LTBP1: variants seen among roughly 807,000 people sequenced by gnomAD.
LTBP1 encodes latent-transforming growth factor beta-binding protein 1.
In LTBP1, 129 loss-of-function variants were observed where a neutral mutation model predicts 207.6. The observed-to-expected ratio is 0.62, with a 90% confidence interval of 0.54 to 0.72. The LOEUF (loss-of-function observed/expected upper bound fraction) is 0.72. Among genes scored for constraint, LTBP1 ranks in the 30% least tolerant of loss-of-function variants. LTBP1 has a pLI of 0.00. For missense variants in LTBP1, 2,281 were observed against 2,217.2 expected (o/e 1.03, Z -0.58); for synonymous variants, 963 against 833.7 (o/e 1.16, Z -2.67).
intron 2 of LTBP1, among the ~76,000 whole-genome samples, chr2:33,015,978 A>C (rs1419219430): frequency 1.3e-5 from 2 of 152,168 alleles, no homozygotes; most frequent in Non-Finnish European, 2.9e-5. Flanking sequence ...CCCATAGTCC[A>C]GTCACCTCCC....
chr2:33,052,988 C>T (rs576287128), intron 3 of LTBP1, among the ~76,000 whole-genome samples: 2 of 151,846 alleles, frequency 1.3e-5, no homozygotes, highest in South Asian at 4.2e-4. Flanking sequence ...GATTCTCTTG[C>T]GTCAGCCTCC....
At chr2:32,959,617 A>ATTTTTTT (rs1373102884) in intron 2 of LTBP1, among the ~76,000 whole-genome samples, 15 of 38,546 alleles carry the variant, frequency 3.9e-4, no homozygotes, top group African/African-American at 8.1e-4. Context: ...ATATATATAT[A>ATTTTTTT]TATATTTTTT....
intron 2 of LTBP1, among the ~76,000 whole-genome samples, chr2:33,007,795 C>G (rs1291545331): frequency 6.6e-6 from 1 of 152,190 alleles, no homozygotes; most frequent in South Asian, 2.1e-4. Flanking sequence ...TGGTGCTACT[C>G]TGAACCAGGA....
At chr2:33,287,813 G>T (rs1161837069) in intron 19 of LTBP1, among the ~76,000 whole-genome samples, 1 of 152,238 alleles carries the variant, frequency 6.6e-6, no homozygotes, top group East Asian at 1.9e-4. Context: ...AGAATTGACA[G>T]AGGGGGTGTG....
intron 5 of LTBP1, among the ~76,000 whole-genome samples, chr2:33,159,355 C>G (rs928892333): frequency 1.3e-5 from 2 of 152,220 alleles, no homozygotes; most frequent in African/African-American, 4.8e-5. Context: ...GCAGCCACTT[C>G]ACTGAGCTCT....
chr2:33,024,530 A>G (rs2075323795), intron 3 of LTBP1, among the ~76,000 whole-genome samples: 1 of 152,222 alleles, frequency 6.6e-6, no homozygotes, highest in South Asian at 2.1e-4. Flanking sequence ...TGGGGATTAG[A>G]TGAATTGGTT....
chr2:32,973,453 G>T (rs762134298), intron 2 of LTBP1, among the ~76,000 whole-genome samples: 4 of 151,526 alleles, frequency 2.6e-5, no homozygotes, highest in South Asian at 2.1e-4. Context: ...TTTAATTTTT[G>T]TGGGTACACA....
intron 13 of LTBP1, among the ~76,000 whole-genome samples, chr2:33,260,623 C>T (rs569237168): frequency 3.9e-5 from 6 of 152,232 alleles, no homozygotes; most frequent in African/African-American, 1.4e-4. Context: ...GGAGTGATAG[C>T]ACTCGTCCAG....
chr2:33,186,858 A>G lies in LTBP1; in HGVS notation c.1204A>G (p.Ile402Val). Residue 402 changes from isoleucine (I) to valine (V), a missense_variant and splice_region_variant, in exon 6 of 34, where the codon ATT (isoleucine) becomes GTT (valine). Physicochemically the swap from Ile to Val is conservative, Grantham distance 29. This residue lies in a region of LTBP1 where 55 missense variants were observed against 91.5 expected (regional missense o/e 0.60). Transcript: ENST00000404816. ...TLTATNFRVV[I>V]CHLPCMNGGQ... ...ATGTTTTCTCTTTTCCCTTTTAGTAATTTGCCATCTTCCATGTATGAATGG... is the reference window on the plus strand; with the variant it reads ...ATGTTTTCTCTTTTCCCTTTTAGTAGTTTGCCATCTTCCATGTATGAATGG... The G allele has an allele frequency of 1.2e-6, 2 of 1,612,918 alleles. No homozygotes were observed. The highest frequency in any genetic ancestry group is 1.7e-6 in the Non-Finnish European group (2 of 1,178,962).
At chr2:33,257,011 G>A (rs1256364669) in intron 11 of LTBP1, among the ~76,000 whole-genome samples, 3 of 150,844 alleles carry the variant, frequency 2.0e-5, no homozygotes, top group Non-Finnish European at 3.0e-5. Flanking sequence ...CTAAGTATAT[G>A]CTATATATAA....
At chr2:33,385,343 C>T (rs1393239075) in intron 31 of LTBP1, among the ~76,000 whole-genome samples, 1 of 152,176 alleles carries the variant, frequency 6.6e-6, no homozygotes, top group Non-Finnish European at 1.5e-5. Context: ...CTGTTGATCA[C>T]TGCTTTTACG....
At chr2:33,294,307 C>CT (rs2093831782) in intron 20 of LTBP1, among the ~76,000 whole-genome samples, 1 of 151,996 alleles carries the variant, frequency 6.6e-6, no homozygotes, top group Non-Finnish European at 1.5e-5. Flanking sequence ...AGCGAATCTC[C>CT]TGCCTCAGCC....
intron 7 of LTBP1, among the ~76,000 whole-genome samples, chr2:33,191,916 A>G (rs905960924): frequency 1.3e-5 from 2 of 152,166 alleles, no homozygotes; most frequent in African/African-American, 4.8e-5. Context: ...GGCACATTCT[A>G]ATAATTAGGT....
intron 13 of LTBP1, among the ~76,000 whole-genome samples, chr2:33,260,417 A>C (rs1300110548): frequency 6.6e-6 from 1 of 152,138 alleles, no homozygotes; most frequent in Non-Finnish European, 1.5e-5. Flanking sequence ...AATTACATGA[A>C]AATTAGGTAA....
chr2:33,181,568 G>A (rs1276952586), intron 5 of LTBP1, among the ~76,000 whole-genome samples: 4 of 152,186 alleles, frequency 2.6e-5, no homozygotes, highest in South Asian at 2.1e-4. Flanking sequence ...CAGGCTGAAG[G>A]CCTACCTCTT....
intron 3 of LTBP1, among the ~76,000 whole-genome samples, chr2:33,062,538 C>A (rs1361377183): frequency 2.0e-5 from 3 of 152,070 alleles, no homozygotes; most frequent in African/African-American, 7.2e-5. Flanking sequence ...TGTTCAGGAT[C>A]ATTTGTTGAA....
At chr2:33,202,328 G>A (rs891694495) in intron 7 of LTBP1, among the ~76,000 whole-genome samples, 2 of 152,110 alleles carry the variant, frequency 1.3e-5, no homozygotes, top group Admixed American at 6.5e-5. Context: ...ACTCCACATG[G>A]GAGAAAAAGA....
chr2:33,045,899 G>T (rs2076417766), intron 3 of LTBP1, among the ~76,000 whole-genome samples: 1 of 152,150 alleles, frequency 6.6e-6, no homozygotes, highest in Admixed American at 6.5e-5. Flanking sequence ...GTTCACTCAT[G>T]ATTTGGCTCT....
chr2:33,390,654 A>T lies in LTBP1; in HGVS notation c.4834+1348A>T, dbSNP rs550273327. Among the ~76,000 whole-genome samples the T allele has an allele frequency of 1.7e-3, 263 of 151,800 alleles. 1 individual carries two copies. Among genetic ancestry groups the T allele is most frequent in the African/African-American group, 6.0e-3 (249 of 41,382 alleles). ...AGGCACGTGCCACTATGTGCAGCTA[A>T]TTTTTGTATTTTTTCCGTAGAGATG... On this transcript the variant is annotated intron_variant, in intron 32 of 33. Transcript: ENST00000404816.
Sources: gnomAD v4.1 joint callset for allele counts (sites outside exome capture counted in the v4.1 genomes callset) on GRCh38, gnomAD v4.1.1 for gene constraint, gnomAD v4.1.1 regional missense constraint, MANE v1.5 for transcripts, NCBI Gene and HGNC (gene_info 2026-07-23, HGNC 2026-07-21) for gene names.